PCDHGA4: variants seen among roughly 807,000 people sequenced by gnomAD.
PCDHGA4 encodes protocadherin gamma-A4.
A neutral mutation model predicts 54.6 loss-of-function variants in PCDHGA4; 38 were observed. The observed-to-expected ratio is 0.70, with a 90% confidence interval of 0.54 to 0.91. The LOEUF (loss-of-function observed/expected upper bound fraction) is 0.91, where lower values mean the gene tolerates loss of function less well. PCDHGA4 is among the 40% of genes least tolerant of loss of function. The pLI, the probability that PCDHGA4 is intolerant of heterozygous loss-of-function variation, is 0.00. For synonymous variants in PCDHGA4, 511 were observed against 512.9 expected (o/e 1.00, Z 0.05); for missense variants, 1,298 against 1,220.9 (o/e 1.06, Z -0.94).
chr5:141,450,220 G>A (rs898186696), intron 1 of PCDHGA4, among the ~76,000 whole-genome samples: 12 of 151,956 alleles, frequency 7.9e-5, no homozygotes, highest in African/African-American at 2.9e-4. Flanking sequence ...GTTTCACTAT[G>A]TTGGCCAGGC....
At chr5:141,369,877 C>T (rs1191397409) in intron 1 of PCDHGA4, among the ~76,000 whole-genome samples, 2 of 152,018 alleles carry the variant, frequency 1.3e-5, no homozygotes, top group Non-Finnish European at 2.9e-5. Flanking sequence ...CTAGAGTAAG[C>T]AGAGAAGATA....
chr5:141,370,235 G>T, intron 1 of PCDHGA4: 5 of 608,818 alleles, frequency 8.2e-6, no homozygotes, highest in Non-Finnish European at 1.3e-5. Flanking sequence ...CAGCTCGGAA[G>T]AAAAGTGCAC....
chr5:141,357,290 T>G lies in PCDHGA4; in HGVS notation c.2183T>G (p.Val728Gly), dbSNP rs773203887. 6 of 1,613,834 alleles carry G rather than the reference T, an allele frequency of 3.7e-6. No homozygotes were observed. The African/African-American group carries it at 8.0e-5, about 22-fold the overall frequency. Residue 728 changes from valine (V) to glycine (G), a missense_variant, in exon 1 of 4, where the codon GTG becomes GGG. By Grantham distance (109) the Val-to-Gly change is moderately radical. Transcript: ENST00000571252. ...CTCACACTCTATCTCGTGGTGGCAG[T>G]GGCCGCTGTCTCCTGCGTCTTCCTG... ...SGLTLYLVVAVAAVSCVFLAF... is the reference protein window; with the variant it reads ...SGLTLYLVVAGAAVSCVFLAF...
At chr5:141,375,666 T>C (rs1771733109) in intron 1 of PCDHGA4, 1 of 1,614,122 alleles carries the variant, frequency 6.2e-7, no homozygotes, top group African/African-American at 1.3e-5. Context: ...TTGAGAGACC[T>C]ACAGCTGTGG....
At chr5:141,478,864 A>G in intron 1 of PCDHGA4, 1 of 1,322,156 alleles carries the variant, frequency 7.6e-7, no homozygotes, top group Non-Finnish European at 1.0e-6. Flanking sequence ...GATCTCAGCG[A>G]TCAGAGTTTA....
At chr5:141,501,013 C>T (rs1456343329) in intron 2 of PCDHGA4, among the ~76,000 whole-genome samples, 2 of 151,970 alleles carry the variant, frequency 1.3e-5, no homozygotes, top group Non-Finnish European at 2.9e-5. Context: ...GGACTACAGG[C>T]ACGCGCCACC....
intron 1 of PCDHGA4, among the ~76,000 whole-genome samples, chr5:141,460,447 A>G (rs1202218653): frequency 6.6e-6 from 1 of 152,170 alleles, no homozygotes; most frequent in Non-Finnish European, 1.5e-5. Context: ...GTAACAATGA[A>G]GATTCATATT....
intron 1 of PCDHGA4, among the ~76,000 whole-genome samples, chr5:141,387,384 A>G (rs897106394): frequency 6.6e-6 from 1 of 152,208 alleles, no homozygotes; most frequent in Non-Finnish European, 1.5e-5. Flanking sequence ...CTTTATATAG[A>G]TAGTGCATGT....
In PCDHGA4 at chr5:141,409,031, A is replaced by G. The variant is rs748995883; in HGVS notation, c.2514+51410A>G. The G allele has an allele frequency of 1.2e-6, 2 of 1,614,032 alleles. No individual in the cohort carries two copies. The highest frequency in any genetic ancestry group is 1.7e-6 in the Non-Finnish European group (2 of 1,179,904). The stretch of plus-strand genomic sequence containing the variant: ...CCAGGATGAGGGGGTCAATGCTGAG[A>G]TAAACTACTACTTCCGAAGCACTGC... On this transcript the variant is annotated intron_variant, in intron 1 of 3. Transcript: ENST00000571252.
chr5:141,488,222 G>A (rs1351438124), intron 1 of PCDHGA4, among the ~76,000 whole-genome samples: 1 of 152,104 alleles, frequency 6.6e-6, no homozygotes, highest in Admixed American at 6.5e-5. Flanking sequence ...TCCCTACTGG[G>A]GATTTGAACT....
At chr5:141,382,978 T>G in intron 1 of PCDHGA4, 1 of 1,610,702 alleles carries the variant, frequency 6.2e-7, no homozygotes, top group Non-Finnish European at 8.5e-7. Context: ...CTGGGAAGCC[T>G]GGGCAGGACG....
chr5:141,411,001 C>G lies in PCDHGA4; in HGVS notation c.2514+53380C>G, dbSNP rs2095456042. 1.8e-5 allele frequency: 3 copies of G among 168,822 alleles called. No individual in the cohort carries two copies. The South Asian group carries it at 4.7e-4, about 26-fold the overall frequency. The allele number at this position is 168,822 out of a possible 1,614,324, so 10.5% of individuals were successfully genotyped here. ...CCCAAGTAGCTGGGATTACTGGTGC[C>G]CCTCACCACAGCTAAATTTTTTGTA... On this transcript the variant is annotated intron_variant, in intron 1 of 3. Coordinates refer to ENST00000571252, the MANE Select transcript of PCDHGA4 (RefSeq NM_018917.4).
Position 141,431,154 on chromosome 5 carries a change from A to G in PCDHGA4, c.2515-63653A>G, listed in dbSNP as rs754200786. ...AGGGACATTAACGACAATGCGCCTT[A>G]CTTTCGTGAAAGTGAATTAGAAATA... On this transcript the variant is annotated intron_variant, in intron 1 of 3. Coordinates refer to ENST00000571252, the MANE Select transcript of PCDHGA4 (RefSeq NM_018917.4). The surrounding 1 kb of genome is among the most constrained non-coding windows in gnomAD (Gnocchi z 4.8). 1.1e-5 allele frequency: 18 copies of G among 1,614,136 alleles called. No homozygotes were observed. In the East Asian group the frequency reaches 4.0e-4, roughly 36 times the overall value.
rs1369150914 is a variant in PCDHGA4 at position 141,432,217 on chromosome 5, G to A, written c.2515-62590G>A. The A allele has an allele frequency of 3.1e-6, 5 of 1,614,204 alleles. No individual in the cohort carries two copies. The East Asian group carries it at 6.7e-5, about 22-fold the overall frequency. On this transcript the variant is annotated intron_variant, in intron 1 of 3. Coordinates refer to ENST00000571252, the MANE Select transcript of PCDHGA4 (RefSeq NM_018917.4). The surrounding 1 kb of genome is among the most constrained non-coding windows in gnomAD (Gnocchi z 6.0). ...ACCCCGACTGTGAAGAGAACGCCCAGATCACTTATTCCCTGGCTGAGAACA... is the reference window on the plus strand; with the variant it reads ...ACCCCGACTGTGAAGAGAACGCCCAAATCACTTATTCCCTGGCTGAGAACA...
chr5:141,403,030 C>T, intron 1 of PCDHGA4: 1 of 1,614,056 alleles, frequency 6.2e-7, no homozygotes, highest in Non-Finnish European at 8.5e-7. Flanking sequence ...TATGGGAGGC[C>T]AGGGCCAGTC....
At chr5:141,390,506 T>A in intron 1 of PCDHGA4, 1 of 598,006 alleles carries the variant, frequency 1.7e-6, no homozygotes, top group Non-Finnish European at 2.9e-6. Context: ...CAAGCTTAGA[T>A]TTATAAAGCA....
At chr5:141,365,595 T>C (rs746207657) in intron 1 of PCDHGA4, 1 of 1,613,672 alleles carries the variant, frequency 6.2e-7, no homozygotes, top group Admixed American at 1.7e-5. Context: ...AATATCACTT[T>C]AACCGTCATG....
At chr5:141,427,450 C>A in intron 1 of PCDHGA4, 1 of 486,442 alleles carries the variant, frequency 2.1e-6, no homozygotes, top group Non-Finnish European at 4.0e-6. Context: ...GAAAGAGTTC[C>A]TTTTAGAATC....
rs138149681 is a variant in PCDHGA4, at chr5:141,486,735, G to A, written c.2515-8072G>A. Reference sequence around the variant, plus strand: ...CAGACAGGAGCTGTTCATGCTACTCGATCCTTTGACTATGAGCAAACCCAG... The same window carrying A: ...CAGACAGGAGCTGTTCATGCTACTCAATCCTTTGACTATGAGCAAACCCAG... On this transcript the variant is annotated intron_variant, in intron 1 of 3. Transcript: ENST00000571252. The surrounding 1 kb of genome is among the most constrained non-coding windows in gnomAD (Gnocchi z 5.0). 3.1e-4 allele frequency: 502 copies of A among 1,614,174 alleles called. 1 individual carries two copies. Among genetic ancestry groups the A allele is most frequent in the South Asian group, 1.8e-3 (161 of 91,086 alleles).
Sources: allele counts gnomAD v4.1 joint callset (sites outside exome capture counted in the v4.1 genomes callset), GRCh38; gene constraint gnomAD v4.1.1; non-coding constraint Gnocchi (gnomAD v3.1); transcripts MANE v1.5; gene names NCBI Gene and HGNC (gene_info 2026-07-23, HGNC 2026-07-21).